The following NCAPH2 variants were observed in gnomAD, a reference collection of about 807,000 sequenced individuals.
NCAPH2 encodes the protein non-SMC condensin II complex subunit H2.
In NCAPH2, 56 loss-of-function variants were observed where a neutral mutation model predicts 88.6. The observed-to-expected ratio is 0.63, with a 90% confidence interval of 0.51 to 0.79. The LOEUF is 0.79. Ranked by LOEUF, NCAPH2 falls within the 30% of genes least tolerant of loss-of-function variation. The pLI is 0.00. For synonymous variants in NCAPH2, 378 were observed against 313.6 expected (o/e 1.21, Z -2.17); for missense variants, 794 against 792.0 (o/e 1.00, Z -0.03).
At position 50,517,629 on chromosome 22, in the gene NCAPH2, A is replaced by G. The variant is rs1406916192; in HGVS notation, c.319A>G (p.Ser107Gly). Residue 107 changes from serine to glycine, a missense_variant, in exon 4 of 20, where the codon AGC (serine) becomes GGC (glycine). Coordinates refer to ENST00000420993, the MANE Select transcript of NCAPH2 (RefSeq NM_152299.4). ...VQEDRANGVA[S>G]SGVPQEAENE... ...GGAGGACAGGGCCAATGGGGTTGCC[A>G]GCTCCGGGGTCCCCCAGGAGGCAGA... 6.2e-7 allele frequency: 1 copy of G among 1,614,150 alleles called. No homozygotes were observed. The highest frequency in any genetic ancestry group is 1.1e-5 in the South Asian group (1 of 91,092).
At chr22:50,512,543 GTTT>G (rs139798817) in intron 1 of NCAPH2, among the ~76,000 whole-genome samples, 3 of 132,954 alleles carry the variant, frequency 2.3e-5, no homozygotes, top group Admixed American at 7.6e-5. Context: ...TTTGTCCTTT[GTTT>G]TTTTTTTTTT....
chr22:50,512,152 A>C (rs2068801546), intron 1 of NCAPH2, among the ~76,000 whole-genome samples: 1 of 152,270 alleles, frequency 6.6e-6, no homozygotes, highest in South Asian at 2.1e-4. Flanking sequence ...GAATTCTGCC[A>C]GGGCAGGGAC....
intron 1 of NCAPH2, among the ~76,000 whole-genome samples, chr22:50,513,306 C>A (rs975463030): frequency 5.9e-5 from 9 of 151,838 alleles, no homozygotes; most frequent in Non-Finnish European, 1.0e-4. Flanking sequence ...CGCCTGTGAT[C>A]CCAGCAGTTT....
At chr22:50,518,819 G>A in intron 8 of NCAPH2, 87 bp downstream of exon 8, 1 of 1,257,212 alleles carries the variant, frequency 8.0e-7, no homozygotes, top group Non-Finnish European at 1.1e-6. Context: ...GCTCCAAGGG[G>A]CTGCTCTCAG....
intron 1 of NCAPH2, 133 bp downstream of exon 1, chr22:50,508,578 C>A: frequency 1.8e-6 from 1 of 544,592 alleles, no homozygotes; most frequent in Non-Finnish European, 3.0e-6. Flanking sequence ...CGCGCAGGTC[C>A]TCGGGCTCCC....
chr22:50,522,459 A>C, intron 15 of NCAPH2, 42 bp from the exon 16 acceptor site: 2 of 1,613,284 alleles, frequency 1.2e-6, no homozygotes, highest in Non-Finnish European at 1.7e-6. Flanking sequence ...GCACCTGCCG[A>C]CTAGCTGCCT....
chr22:50,509,066 G>A (rs1271089481), intron 1 of NCAPH2, among the ~76,000 whole-genome samples: 1 of 152,118 alleles, frequency 6.6e-6, no homozygotes, highest in African/African-American at 2.4e-5. Flanking sequence ...GCATTTGTTG[G>A]ACTGGCCACT....
rs148754615 is a variant in NCAPH2, at chr22:50,518,183, G to C, written c.551G>C (p.Cys184Ser). The change falls in exon 7 of 20, where the codon TGC becomes TCC. Residue 184 changes from cysteine (C) to serine (S), a missense_variant. This residue lies in a region of NCAPH2 where 735 missense variants were observed against 696.3 expected (regional missense o/e 1.06). Transcript: ENST00000420993. ...ASRKDFRMNT[C>S]VPHPRGAFML... ...CGGAAGGATTTCAGGATGAACACGTGCGTTCCCCACCCCAGAGGGGCCTTC... is the reference window on the plus strand; with the variant it reads ...CGGAAGGATTTCAGGATGAACACGTCCGTTCCCCACCCCAGAGGGGCCTTC... 1.2e-6 allele frequency: 2 copies of C among 1,614,112 alleles called. No individual in the cohort carries two copies. The highest frequency in any genetic ancestry group is 1.7e-5 in the Admixed American group (1 of 60,030).
At chr22:50,521,887 T>TGG in intron 12 of NCAPH2, 39 bp downstream of exon 12, 1 of 1,613,356 alleles carries the variant, frequency 6.2e-7, no homozygotes, top group Non-Finnish European at 8.5e-7. Flanking sequence ...CACTGGGAGC[T>TGG]GGGGGCTGGG....
intron 1 of NCAPH2, among the ~76,000 whole-genome samples, chr22:50,510,119 C>G (rs889982692): frequency 6.6e-6 from 1 of 152,172 alleles, no homozygotes; most frequent in Non-Finnish European, 1.5e-5. Context: ...GACAGGGTTT[C>G]ACCGTGTTAG....
At chr22:50,520,565 T>G (rs2069058063) in intron 9 of NCAPH2, 1 of 157,076 alleles carries the variant, frequency 6.4e-6, no homozygotes, top group Non-Finnish European at 1.4e-5. Flanking sequence ...CTGTAGGTTT[T>G]TTTTTTTTTT....
In NCAPH2 at chr22:50,523,252, G is replaced by A; in HGVS notation, c.1695G>A (p.Val565=). 6.2e-7 allele frequency: 1 copy of A among 1,612,782 alleles called. No homozygotes were observed. Residue 565 remains valine, a synonymous_variant, in exon 20 of 20, where the codon GTG becomes GTA. Coordinates refer to ENST00000420993, the MANE Select transcript of NCAPH2 (RefSeq NM_152299.4). The stretch of plus-strand genomic sequence containing the variant: ...CCCTGCAGGCCAATGACTACACAGT[G>A]GAGATAACCCAGCAGCCCGGGCTGG... ...ASLQLANDYT[V]EITQQPGLEM...
At chr22:50,510,891 G>A (rs889320144) in intron 1 of NCAPH2, among the ~76,000 whole-genome samples, 1 of 151,320 alleles carries the variant, frequency 6.6e-6, no homozygotes, top group Non-Finnish European at 1.5e-5. Flanking sequence ...CTGTCGCCCA[G>A]GCTGGAGTGC....
chr22:50,518,085 G>A (rs778357018), intron 6 of NCAPH2, 33 bp downstream of exon 6: 64 of 1,613,450 alleles, frequency 4.0e-5, no homozygotes, highest in South Asian at 6.6e-5. Flanking sequence ...GGGGAGGGAG[G>A]CCTGCCTGGG....
Position 50,518,282 on chromosome 22 carries a change from A to G in NCAPH2, c.646+4A>G. ...CCCATGCCAGGGACCCAGAAGGGTG[A>G]GGGCTTGGATGCGGGGGGCTTGGTG... On this transcript the variant is annotated splice_donor_region_variant and intron_variant, in intron 7 of 19. Coordinates refer to ENST00000420993, the MANE Select transcript of NCAPH2 (RefSeq NM_152299.4). The G allele has an allele frequency of 3.1e-6, 5 of 1,611,818 alleles. No homozygotes were observed. Among genetic ancestry groups the G allele is most frequent in the Non-Finnish European group, 4.2e-6 (5 of 1,179,516 alleles).
intron 7 of NCAPH2, 45 bp from the exon 8 acceptor site, chr22:50,518,604 T>G: frequency 6.5e-7 from 1 of 1,547,798 alleles, no homozygotes; most frequent in Non-Finnish European, 8.8e-7. Context: ...GGGACCATCT[T>G]GGAGAGGGGC....
chr22:50,518,402 C>T, intron 7 of NCAPH2, 124 bp downstream of exon 7: 1 of 1,377,558 alleles, frequency 7.3e-7, no homozygotes, highest in Non-Finnish European at 9.7e-7. Flanking sequence ...GGTGCCTGCT[C>T]TAGTCTAGAC....
In NCAPH2 at chr22:50,522,999, T is replaced by C. The variant is rs2069161155; in HGVS notation, c.1528-18T>C. The C allele has an allele frequency of 6.2e-6, 10 of 1,606,478 alleles. No individual in the cohort carries two copies. The highest frequency in any genetic ancestry group is 1.3e-5 in the African/African-American group (1 of 74,950). On this transcript the variant is annotated intron_variant, in intron 18 of 19. Coordinates refer to ENST00000420993, the MANE Select transcript of NCAPH2 (RefSeq NM_152299.4). ...GCCTTGCCTCTCTCCGCAGCCAACA[T>C]GCCCCTCCCCTGTGCAGGAGCAGCA...
chr22:50,521,729 G>T lies in NCAPH2; in HGVS notation c.1001-12G>T, dbSNP rs1309352373. ...CCCCAGCGGCTCTAAGACAGTCCCT[G>T]TTTGCCCCCAGGTAGGCCTTACTCT... On this transcript the variant is annotated splice_polypyrimidine_tract_variant and intron_variant, in intron 11 of 19. Transcript: ENST00000420993. The T allele has an allele frequency of 6.2e-7, 1 of 1,613,812 alleles. No homozygotes were observed. The highest frequency in any genetic ancestry group is 8.5e-7 in the Non-Finnish European group (1 of 1,179,922).
Sources: gnomAD v4.1 joint callset for allele counts (sites outside exome capture counted in the v4.1 genomes callset) on GRCh38, gnomAD v4.1.1 for gene constraint, gnomAD v4.1.1 regional missense constraint, MANE v1.5 for transcripts, NCBI Gene and HGNC (gene_info 2026-07-23, HGNC 2026-07-21) for gene names.